MFSD1: variants seen among roughly 807,000 people sequenced by gnomAD.
MFSD1 encodes the protein lysosomal dipeptide transporter MFSD1.
MFSD1 carries 59 observed loss-of-function variants against 67.1 expected under a neutral mutation model. The ratio of observed to expected loss-of-function variants is 0.88; its 90% CI spans 0.71 to 1.09. The LOEUF (loss-of-function observed/expected upper bound fraction) is 1.09. Among genes scored for constraint, MFSD1 ranks in the 50% least tolerant of loss-of-function variants. MFSD1 has a pLI of 0.00. For missense variants in MFSD1, 552 were observed against 566.1 expected, an observed-to-expected ratio of 0.97 and a Z score of 0.25; for synonymous variants, 213 against 200.3, an observed-to-expected ratio of 1.06 and a Z score of -0.54.
chr3:158,829,150 C>A lies in MFSD1; in HGVS notation c.*168C>A. 1 of 486,220 alleles carries A rather than the reference C, an allele frequency of 2.1e-6. No individual in the cohort carries two copies. The highest frequency in any genetic ancestry group is 3.4e-6 in the Non-Finnish European group (1 of 291,226). 30.1% of individuals were successfully genotyped at this position (486,220 alleles called of 1,614,324 possible). Reference sequence around the variant, plus strand: ...AGTGTATTTGTGAGGCCTGTTTTAGCCTGTGTCTTTTGTATTGTGTGTTGC... The same window carrying A: ...AGTGTATTTGTGAGGCCTGTTTTAGACTGTGTCTTTTGTATTGTGTGTTGC... On this transcript the variant is annotated 3_prime_UTR_variant, in exon 16 of 16. Transcript: ENST00000415822.
chr3:158,827,976 G>GAGAGAGAGAGAGACAGAGAGAC (rs1553759912), intron 15 of MFSD1, among the ~76,000 whole-genome samples: 5 of 78,914 alleles, frequency 6.3e-5, no homozygotes, highest in African/African-American at 2.4e-4. Context: ...GAGAGAGAGA[G>GAGAGAGAGAGAGACAGAGAGAC]AGACAGAGAT....
intron 7 of MFSD1, among the ~76,000 whole-genome samples, chr3:158,818,583 A>G (rs1730502290): frequency 6.6e-6 from 1 of 151,978 alleles, no homozygotes; most frequent in African/African-American, 2.4e-5. Context: ...TTTAAAATAT[A>G]TATATATATT....
chr3:158,819,784 AC>A, intron 8 of MFSD1, 37 bp downstream of exon 8: 1 of 1,242,804 alleles, frequency 8.0e-7, no homozygotes, highest in Non-Finnish European at 1.2e-6. Flanking sequence ...TAGGGGAATT[AC>A]GGCCTTTGTG....
In MFSD1 at chr3:158,823,463, T is replaced by G; in HGVS notation, c.1113T>G (p.Cys371Trp). 1 of 1,613,878 alleles carries G rather than the reference T, an allele frequency of 6.2e-7. No homozygotes were observed. The highest frequency in any genetic ancestry group is 8.5e-7 in the Non-Finnish European group (1 of 1,179,762). Reference protein sequence around the residue: ...LLGLSYSLLACALWPMVAFVV... With the variant: ...LLGLSYSLLAWALWPMVAFVV... ...GACTCTCCTACTCATTGCTTGCCTG[T>G]GCATTGTGGCCAATGGTGGCATTTG... Residue 371 changes from cysteine to tryptophan, a missense_variant, in exon 12 of 16, where the codon TGT becomes TGG. Coordinates refer to ENST00000415822, the MANE Select transcript of MFSD1 (RefSeq NM_022736.4).
chr3:158,815,881 T>C (rs1730306084), intron 7 of MFSD1, among the ~76,000 whole-genome samples: 2 of 149,274 alleles, frequency 1.3e-5, no homozygotes, highest in Non-Finnish European at 1.5e-5. Flanking sequence ...TCAATTCCCA[T>C]CTATGAGTGA....
intron 1 of MFSD1, chr3:158,802,676 C>A: frequency 2.1e-6 from 1 of 485,412 alleles, no homozygotes; most frequent in Non-Finnish European, 3.9e-6. Context: ...ATTCAGAAAG[C>A]TTTAACTGTT....
rs1374111141 is a variant in MFSD1 at position 158,824,164 on chromosome 3, A to G, written c.1216A>G (p.Ile406Val). The G allele has an allele frequency of 9.3e-6, 15 of 1,612,138 alleles. No homozygotes were observed. The highest frequency in any genetic ancestry group is 1.3e-5 in the African/African-American group (1 of 74,354). The stretch of plus-strand genomic sequence containing the variant: ...GAATCTTGGGTTGGCCATCATTTCC[A>G]TCATTGCTGGTATGATACTGGATTC... Reference protein sequence around the residue: ...IQNLGLAIISIIAGMILDSRG... With the variant: ...IQNLGLAIISVIAGMILDSRG... Residue 406 changes from isoleucine (I) to valine (V), a missense_variant, in exon 13 of 16, where the codon ATC (isoleucine) becomes GTC (valine). Coordinates refer to ENST00000415822, the MANE Select transcript of MFSD1 (RefSeq NM_022736.4).
intron 7 of MFSD1, among the ~76,000 whole-genome samples, chr3:158,814,288 T>G (rs2108217363): frequency 6.6e-6 from 1 of 152,338 alleles, no homozygotes; most frequent in African/African-American, 2.4e-5. Context: ...TTTCTTAAAA[T>G]GGATAGCCTT....
Position 158,804,323 on chromosome 3 carries a change from C to G in MFSD1, c.168C>G (p.Ser56Arg). ...LLLMCFLGFGSYFCYDNPAAL... is the reference protein window; with the variant it reads ...LLLMCFLGFGRYFCYDNPAAL... ...AAAGTATTTGCTCTTTTCTAGGCAGCTATTTTTGCTATGATAATCCTGCTG... is the reference window on the plus strand; with the variant it reads ...AAAGTATTTGCTCTTTTCTAGGCAGGTATTTTTGCTATGATAATCCTGCTG... Residue 56 changes from serine to arginine, a missense_variant, in exon 2 of 16, where the codon AGC (serine) becomes AGG (arginine). Coordinates refer to ENST00000415822, the MANE Select transcript of MFSD1 (RefSeq NM_022736.4). 4 of 1,608,626 alleles carry G rather than the reference C, an allele frequency of 2.5e-6. No homozygotes were observed. Among genetic ancestry groups the G allele is most frequent in the Non-Finnish European group, 3.4e-6 (4 of 1,177,486 alleles).
chr3:158,807,593 A>G, intron 5 of MFSD1, 130 bp downstream of exon 5: 2 of 716,446 alleles, frequency 2.8e-6, no homozygotes, highest in Non-Finnish European at 4.7e-6. Flanking sequence ...TCATATGCAT[A>G]AGAGTATTTC....
intron 15 of MFSD1, 81 bp from the exon 16 acceptor site, chr3:158,828,898 G>C: frequency 2.1e-6 from 3 of 1,446,068 alleles, no homozygotes; most frequent in Non-Finnish European, 2.8e-6. Context: ...GTCTTGTAAT[G>C]CTTGGTTTTC....
At position 158,802,178 on chromosome 3, in the gene MFSD1, G is replaced by T. The variant is rs1231852068; in HGVS notation, c.26G>T (p.Arg9Leu). 2.3e-5 allele frequency: 37 copies of T among 1,612,256 alleles called. No individual in the cohort carries two copies. In the East Asian group the frequency reaches 8.3e-4, roughly 36 times the overall value. Residue 9 changes from arginine to leucine, a missense_variant, in exon 1 of 16, where the codon CGG (arginine) becomes CTG (leucine). By Grantham distance (102) the Arg-to-Leu change is moderately radical (BLOSUM62 -2). Coordinates refer to ENST00000415822, the MANE Select transcript of MFSD1 (RefSeq NM_022736.4). ...ATGGAGGAGGAGGATGAGGAAGCGC[G>T]GGCGCTCCTGGCAGGCGGCCCTGAC... MEEEDEEA[R>L]ALLAGGPDEA...
At chr3:158,821,678 T>G in intron 10 of MFSD1, 25 bp downstream of exon 10, 1 of 1,567,080 alleles carries the variant, frequency 6.4e-7, no homozygotes, top group Non-Finnish European at 8.8e-7. Context: ...ATTTTGTAAG[T>G]GCCTATTGCA....
intron 14 of MFSD1, among the ~76,000 whole-genome samples, chr3:158,826,617 T>A (rs1048510015): frequency 1.3e-5 from 2 of 151,768 alleles, no homozygotes; most frequent in Non-Finnish European, 2.9e-5. Context: ...ATATATGCTG[T>A]GTAAATAATT....
chr3:158,822,314 A>G (rs1730723568), intron 11 of MFSD1, 174 bp downstream of exon 11: 1 of 432,570 alleles, frequency 2.3e-6, no homozygotes, highest in Non-Finnish European at 4.1e-6. Flanking sequence ...ATTATGAATT[A>G]TTAACATATA....
chr3:158,821,921 T>G (rs1260034659), intron 10 of MFSD1, 63 bp from the exon 11 acceptor site: 13 of 1,526,370 alleles, frequency 8.5e-6, no homozygotes, highest in Non-Finnish European at 1.1e-5. Flanking sequence ...TTTCAAGACT[T>G]TCTTGAAACT....
intron 6 of MFSD1, among the ~76,000 whole-genome samples, chr3:158,811,674 G>A (rs1730030639): frequency 6.6e-6 from 1 of 152,190 alleles, no homozygotes; most frequent in South Asian, 2.1e-4. Context: ...AAGGTGGAGA[G>A]GATGTCAACT....
intron 6 of MFSD1, among the ~76,000 whole-genome samples, chr3:158,813,657 TTAGA>T (rs1322597165): frequency 6.6e-6 from 1 of 152,216 alleles, no homozygotes; most frequent in African/African-American, 2.4e-5. Context: ...TATTTTTGTC[TTAGA>T]TACTCTAGAT....
intron 6 of MFSD1, among the ~76,000 whole-genome samples, chr3:158,812,197 C>CA (rs1371756143): frequency 6.6e-6 from 1 of 152,126 alleles, no homozygotes; most frequent in Non-Finnish European, 1.5e-5. Context: ...CTCAAAAACT[C>CA]AGGCAATAGA....
Sources: allele counts gnomAD v4.1 joint callset (sites outside exome capture counted in the v4.1 genomes callset), GRCh38; gene constraint gnomAD v4.1.1; transcripts MANE v1.5; gene names NCBI Gene and HGNC (gene_info 2026-07-23, HGNC 2026-07-21).